The following DDX27 variants were observed in gnomAD, a reference collection of about 807,000 sequenced individuals.
DDX27 encodes DEAD-box helicase 27.
A neutral mutation model predicts 99.3 loss-of-function variants in DDX27; 42 were observed. The observed-to-expected ratio is 0.42, with a 90% CI of 0.33 to 0.55. The LOEUF is 0.55. DDX27 is among the 20% of genes least tolerant of loss of function. The probability of loss-of-function intolerance (pLI) is 0.07; values close to 1 mark genes in which losing one functional copy is unlikely to be tolerated. For synonymous variants in DDX27, 329 were observed against 353.8 expected (o/e 0.93, Z 0.79); for missense variants, 798 against 976.8 (o/e 0.82, Z 2.44).
At chr20:49,230,622 A>C (rs1396938284) in intron 9 of DDX27, among the ~76,000 whole-genome samples, 1 of 152,334 alleles carries the variant, frequency 6.6e-6, no homozygotes, top group East Asian at 1.9e-4. Flanking sequence ...TTAGATTCTC[A>C]AAACAAATCT....
Position 49,227,886 on chromosome 20 carries a change from G to C in DDX27, c.707-829G>C, listed in dbSNP as rs184807974. On this transcript the variant is annotated intron_variant, in intron 7 of 20. Coordinates refer to ENST00000618172, the MANE Select transcript of DDX27 (RefSeq NM_017895.8). ...GACAGAGTCTCGCTCTGTTGCCCAG[G>C]CTGGAGTGCAGTGGCGCAATCTTGG... Among the ~76,000 whole-genome samples, 26 of 147,204 alleles carry C rather than the reference G, an allele frequency of 1.8e-4. No homozygotes were observed. The Admixed American group carries it at 1.8e-3, about 10-fold the overall frequency.
chr20:49,237,545 TGATTCTGTTCTAGGTGCTGGG>T (rs1258815016), intron 14 of DDX27, among the ~76,000 whole-genome samples: 2 of 152,194 alleles, frequency 1.3e-5, no homozygotes, highest in Non-Finnish European at 2.9e-5. Context: ...CTAGTGCTAT[TGATTCTGTTCTAGGTGCTGGG>T]GATACAGCAG....
chr20:49,236,647 C>A lies in DDX27; in HGVS notation c.1687+137C>A. 1.1e-6 allele frequency: 1 copy of A among 876,708 alleles called. No individual in the cohort carries two copies. Among genetic ancestry groups the A allele is most frequent in the Non-Finnish European group, 1.6e-6 (1 of 630,648 alleles). 54.3% of individuals were successfully genotyped at this position (876,708 alleles called of 1,614,324 possible). ...CCCTGCTGCTTCCTTGCCGAGTGAC[C>A]ATGTGCAGGTTTCACCTCACCTCTC... On this transcript the variant is annotated intron_variant, in intron 14 of 20. Coordinates refer to ENST00000618172, the MANE Select transcript of DDX27 (RefSeq NM_017895.8). This position sits in a 1 kb window ranked among gnomAD's most constrained non-coding sequence, Gnocchi z 4.1.
In DDX27 at chr20:49,242,198, G is replaced by T. The variant is rs138663581; in HGVS notation, c.2108G>T (p.Arg703Ile). 134 of 1,614,040 alleles carry T rather than the reference G, an allele frequency of 8.3e-5. No individual in the cohort carries two copies. The highest frequency in any genetic ancestry group is 1.1e-4 in the Non-Finnish European group (127 of 1,180,006). The change falls in exon 18 of 21, where the codon AGA becomes ATA. Residue 703 changes from arginine (R) to isoleucine (I), a missense_variant. This residue lies in a region of DDX27 where 553 missense variants were observed against 727.9 expected (regional missense o/e 0.76). Transcript: ENST00000618172. ...GCAATGCCCGAGGAGGAGCCAGTGA[G>T]AGGTCCTGGTAGGTGAATGGGGAGC... The part of the protein sequence containing the change: ...ARAMPEEEPV[R>I]GPAKKQKQGK...
chr20:49,242,001 C>A lies in DDX27; in HGVS notation c.1992+14C>A. The A allele has an allele frequency of 6.2e-7, 1 of 1,613,804 alleles. No individual in the cohort carries two copies. Among genetic ancestry groups the A allele is most frequent in the South Asian group, 1.1e-5 (1 of 91,068 alleles). On this transcript the variant is annotated intron_variant, in intron 17 of 20. Coordinates refer to ENST00000618172, the MANE Select transcript of DDX27 (RefSeq NM_017895.8). The stretch of plus-strand genomic sequence containing the variant: ...GGGGAGATGACAGTGAGTGGCCTCC[C>A]TTTTGGAGTTTGGGCCCACTCGGTG...
At chr20:49,224,751 G>T (rs1288940412) in intron 4 of DDX27, 194 bp from the exon 5 acceptor site, 1 of 610,330 alleles carries the variant, frequency 1.6e-6, no homozygotes, top group African/African-American at 1.9e-5. Flanking sequence ...AGAGTCACTG[G>T]GTTAGCTTTC....
At chr20:49,238,657 G>T in intron 14 of DDX27, 1 of 362,538 alleles carries the variant, frequency 2.8e-6, no homozygotes, top group African/African-American at 2.1e-5. Flanking sequence ...TAATAGAGAC[G>T]GGGTTTCACA....
chr20:49,225,275 T>C, intron 6 of DDX27, 76 bp downstream of exon 6: 1 of 1,241,948 alleles, frequency 8.1e-7, no homozygotes, highest in Non-Finnish European at 1.2e-6. Flanking sequence ...CTCAAATTCC[T>C]GGCATCAAGC....
At chr20:49,225,914 G>T (rs1386818590) in intron 6 of DDX27, among the ~76,000 whole-genome samples, 1 of 152,058 alleles carries the variant, frequency 6.6e-6, no homozygotes, top group Non-Finnish European at 1.5e-5. Context: ...CCTGGCACTC[G>T]TTCTGCTCTG....
In DDX27 at chr20:49,223,011, A is replaced by G; in HGVS notation, c.295A>G (p.Thr99Ala). Residue 99 changes from threonine (T) to alanine (A), a missense_variant, in exon 3 of 21, where the codon ACA becomes GCA. Thr to Ala is a moderately conservative substitution (Grantham distance 58, BLOSUM62 0). Transcript: ENST00000618172. ...TGAGAAAGTTCGAAAGAAAAGGAAA[A>G]CAGAGGTGAGAAGAAAAGTGGCTAT... The part of the protein sequence containing the change: ...KIEKVRKKRK[T>A]EDKEAKSGKL... 1.9e-6 allele frequency: 3 copies of G among 1,613,418 alleles called. No individual in the cohort carries two copies. The highest frequency in any genetic ancestry group is 2.5e-6 in the Non-Finnish European group (3 of 1,179,584).
At chr20:49,241,757 C>A in intron 16 of DDX27, 136 bp from the exon 17 acceptor site, 1 of 931,214 alleles carries the variant, frequency 1.1e-6, no homozygotes, top group Non-Finnish European at 1.7e-6. Context: ...GCACGAGCTA[C>A]TGCACTCGGC....
intron 16 of DDX27, among the ~76,000 whole-genome samples, chr20:49,239,685 G>A (rs1027906507): frequency 2.2e-5 from 3 of 138,328 alleles, no homozygotes; most frequent in Admixed American, 1.5e-4. Flanking sequence ...ATACGCCATG[G>A]ACTGGAACCG....
rs757687267 is a variant in DDX27, at chr20:49,236,335, A to C, written c.1512A>C (p.Val504=). 14 of 1,578,610 alleles carry C rather than the reference A, an allele frequency of 8.9e-6. No homozygotes were observed. The highest frequency in any genetic ancestry group is 1.1e-5 in the Non-Finnish European group (13 of 1,159,048). ...RGLDIEGVKT[V]INFTMPNTIK... ...GACGTTCATTTTTGACCTTCTAGGT[A>C]ATCAACTTCACAATGCCTAATACCA... Residue 504 remains valine, a splice_region_variant and synonymous_variant, in exon 14 of 21, where the codon GTA becomes GTC. Transcript: ENST00000618172. This position sits in a 1 kb window ranked among gnomAD's most constrained non-coding sequence, Gnocchi z 4.1.
At position 49,233,333 on chromosome 20, in the gene DDX27, G is replaced by A. The variant is rs767429356; in HGVS notation, c.1059G>A (p.Gln353=). 1.2e-6 allele frequency: 2 copies of A among 1,614,080 alleles called. No homozygotes were observed. Among genetic ancestry groups the A allele is most frequent in the South Asian group, 1.1e-5 (1 of 91,082 alleles). Residue 353 remains glutamine, a synonymous_variant, in exon 10 of 21, where the codon CAG becomes CAA. Coordinates refer to ENST00000618172, the MANE Select transcript of DDX27 (RefSeq NM_017895.8). ...DRMLDEYFEE[Q]MKEIIRMCSH... The stretch of plus-strand genomic sequence containing the variant: ...TGCTGGATGAGTACTTTGAGGAGCA[G>A]ATGAAGGAGATCATCCGAATGTGTT...
intron 16 of DDX27, among the ~76,000 whole-genome samples, chr20:49,240,951 G>A (rs1364896443): frequency 6.6e-6 from 1 of 152,100 alleles, no homozygotes; most frequent in Non-Finnish European, 1.5e-5. Context: ...GGAGGTCAAG[G>A]TTGCAGTGAG....
intron 8 of DDX27, 38 bp downstream of exon 8, chr20:49,228,926 C>T (rs1186818794): frequency 6.5e-7 from 1 of 1,539,414 alleles, no homozygotes; most frequent in African/African-American, 1.4e-5. Context: ...CCCTGAGAGA[C>T]TGTGGTGGGG....
intron 16 of DDX27, among the ~76,000 whole-genome samples, chr20:49,239,583 C>T (rs1385368099): frequency 6.6e-6 from 1 of 152,150 alleles, no homozygotes; most frequent in African/African-American, 2.4e-5. Flanking sequence ...TTATGAGAAT[C>T]TAATGCTGCT....
At chr20:49,220,676 C>T (rs551630517) in intron 1 of DDX27, among the ~76,000 whole-genome samples, 2 of 152,318 alleles carry the variant, frequency 1.3e-5, no homozygotes, top group South Asian at 2.1e-4. Flanking sequence ...TGGCTCAGCC[C>T]GCTGCGTGGG....
In DDX27 at chr20:49,244,015, C is replaced by G. The variant is rs1467339999; in HGVS notation, c.*181C>G. 1 of 674,310 alleles carries G rather than the reference C, an allele frequency of 1.5e-6. No homozygotes were observed. The highest frequency in any genetic ancestry group is 1.8e-5 in the African/African-American group (1 of 54,778). The allele number at this position is 674,310 out of a possible 1,614,324, so 41.8% of individuals were successfully genotyped here. ...CTAAGCATGTCTGTCAATCTCCCTT[C>G]TTGCTGATTAGCTTTCATATGACTA... On this transcript the variant is annotated 3_prime_UTR_variant, in exon 21 of 21. Coordinates refer to ENST00000618172, the MANE Select transcript of DDX27 (RefSeq NM_017895.8).
Sources: gnomAD v4.1 joint callset for allele counts (sites outside exome capture counted in the v4.1 genomes callset) on GRCh38, gnomAD v4.1.1 for gene constraint, gnomAD v4.1.1 regional missense constraint, Gnocchi (gnomAD v3.1) non-coding constraint, MANE v1.5 for transcripts, NCBI Gene and HGNC (gene_info 2026-07-23, HGNC 2026-07-21) for gene names.